WWOX: variants seen among roughly 807,000 people sequenced by gnomAD.
WWOX encodes the protein WW domain-containing oxidoreductase.
In WWOX, 69 loss-of-function variants were observed where a neutral mutation model predicts 46.2. The ratio of observed to expected loss-of-function variants is 1.49; its 90% CI spans 1.23 to 1.82. The LOEUF is 1.82. WWOX is among the 40% of genes most tolerant of loss of function. WWOX has a pLI of 0.00. For missense variants in WWOX, 919 were observed against 542.6 expected (o/e 1.69, Z -6.89); for synonymous variants, 359 against 202.6 (o/e 1.77, Z -6.56).
intron 8 of WWOX, among the ~76,000 whole-genome samples, chr16:79,155,067 G>T (rs1014194271): frequency 7.2e-5 from 11 of 152,196 alleles, no homozygotes; most frequent in Non-Finnish European, 1.6e-4. Flanking sequence ...TCTACAGCAG[G>T]CACTGGCAAG....
At chr16:78,594,204 A>C (rs1006746636) in intron 8 of WWOX, among the ~76,000 whole-genome samples, 4 of 152,074 alleles carry the variant, frequency 2.6e-5, no homozygotes, top group African/African-American at 9.6e-5. Flanking sequence ...TTTTAACCCC[A>C]TATACGAAGC....
At chr16:78,680,113 A>G (rs1395930440) in intron 8 of WWOX, among the ~76,000 whole-genome samples, 5 of 152,254 alleles carry the variant, frequency 3.3e-5, no homozygotes, top group African/African-American at 1.2e-4. Context: ...AAGTTTAAAT[A>G]AGAAAAGGTA....
At chr16:78,147,996 A>T (rs530410466) in intron 4 of WWOX, among the ~76,000 whole-genome samples, 2 of 151,942 alleles carry the variant, frequency 1.3e-5, no homozygotes, top group African/African-American at 4.8e-5. Flanking sequence ...GCTCTAAATC[A>T]TAAAGAACCC....
intron 5 of WWOX, among the ~76,000 whole-genome samples, chr16:78,259,702 C>T (rs895477170): frequency 1.3e-5 from 2 of 151,384 alleles, no homozygotes; most frequent in African/African-American, 4.9e-5. Flanking sequence ...TTCTAATATA[C>T]TGTGGATGGG....
At chr16:78,521,973 ATTTTGCAAGT>A (rs2043357652) in intron 8 of WWOX, among the ~76,000 whole-genome samples, 1 of 152,070 alleles carries the variant, frequency 6.6e-6, no homozygotes, top group South Asian at 2.1e-4. Context: ...CAGCAGGCCC[ATTTTGCAAGT>A]TTTCAGGAAA....
intron 8 of WWOX, among the ~76,000 whole-genome samples, chr16:78,600,800 C>G (rs1418885673): frequency 6.6e-6 from 1 of 152,118 alleles, no homozygotes; most frequent in Admixed American, 6.5e-5. Context: ...AGTGCTCAAC[C>G]CTTTGAATCG....
At chr16:78,646,922 G>A (rs1242575640) in intron 8 of WWOX, among the ~76,000 whole-genome samples, 1 of 152,152 alleles carries the variant, frequency 6.6e-6, no homozygotes, top group Non-Finnish European at 1.5e-5. Context: ...TAGCTGAAGC[G>A]AGGTGGGTTG....
At chr16:79,181,153 A>T (rs1008307027) in intron 8 of WWOX, among the ~76,000 whole-genome samples, 3 of 152,234 alleles carry the variant, frequency 2.0e-5, no homozygotes, top group Non-Finnish European at 2.9e-5. Context: ...AAACATGCAG[A>T]TTATACATGC....
chr16:79,211,787 G>T lies in WWOX; in HGVS notation c.1236G>T (p.Gln412His). The T allele has an allele frequency of 6.2e-7, 1 of 1,614,118 alleles. No homozygotes were observed. Among genetic ancestry groups the T allele is most frequent in the Non-Finnish European group, 8.5e-7 (1 of 1,179,980 alleles). ...TGATCCAAGAACGGCTTGGCAGCCA[G>T]TCCGGCTAAGTGGAGCTCAGAGCGG... Reference protein sequence around the residue: ...ERLIQERLGSQSG With the variant: ...ERLIQERLGSHSG Residue 412 changes from glutamine to histidine, a missense_variant, in exon 9 of 9, where the codon CAG becomes CAT. Transcript: ENST00000566780.
intron 8 of WWOX, among the ~76,000 whole-genome samples, chr16:78,914,400 G>C (rs993634085): frequency 1.3e-5 from 2 of 152,170 alleles, no homozygotes; most frequent in Admixed American, 6.5e-5. Flanking sequence ...GAGTGAATGA[G>C]GGAGTGAATG....
intron 8 of WWOX, among the ~76,000 whole-genome samples, chr16:78,887,486 C>CAA (rs1469997180): frequency 6.9e-6 from 1 of 144,132 alleles, no homozygotes; most frequent in African/African-American, 2.7e-5. Context: ...CACACACACA[C>CAA]ACACACACAC....
intron 5 of WWOX, among the ~76,000 whole-genome samples, chr16:78,316,447 A>T (rs909858816): frequency 6.6e-6 from 1 of 151,948 alleles, no homozygotes; most frequent in African/African-American, 2.4e-5. Flanking sequence ...GGTTCAAGCG[A>T]TTCTCCTGCC....
At chr16:78,654,637 TTCTCTCTC>T (rs142991695) in intron 8 of WWOX, among the ~76,000 whole-genome samples, 9 of 149,026 alleles carry the variant, frequency 6.0e-5, no homozygotes, top group African/African-American at 2.0e-4. Flanking sequence ...ATCTATACCT[TTCTCTCTC>T]TCTCTCTCTC....
rs577088626 is a variant in WWOX at position 78,476,696 on chromosome 16, G to T, written c.1056+43944G>T. 2.6e-5 allele frequency among the ~76,000 whole-genome samples: 4 copies of T among 152,158 alleles called. No homozygotes were observed. The South Asian group carries it at 8.3e-4, about 32-fold the overall frequency. ...CCCCCATGATCACAGAGGATGAAAAGTCTGCTTAAATTATAAGCTAGCTAA... is the reference window on the plus strand; with the variant it reads ...CCCCCATGATCACAGAGGATGAAAATTCTGCTTAAATTATAAGCTAGCTAA... On this transcript the variant is annotated intron_variant, in intron 8 of 8. Coordinates refer to ENST00000566780, the MANE Select transcript of WWOX (RefSeq NM_016373.4).
At chr16:79,097,501 C>G (rs2150620796) in intron 8 of WWOX, among the ~76,000 whole-genome samples, 1 of 152,276 alleles carries the variant, frequency 6.6e-6, no homozygotes, top group Middle Eastern at 3.4e-3. Flanking sequence ...TTCGCAGTGG[C>G]ACCGCAGCGC....
At chr16:79,078,962 AT>A (rs1280855833) in intron 8 of WWOX, among the ~76,000 whole-genome samples, 2 of 152,180 alleles carry the variant, frequency 1.3e-5, no homozygotes, top group Non-Finnish European at 2.9e-5. Flanking sequence ...CCCTGAAGTT[AT>A]TTTTCCCCCC....
At chr16:78,615,499 T>G (rs991532800) in intron 8 of WWOX, among the ~76,000 whole-genome samples, 1 of 151,810 alleles carries the variant, frequency 6.6e-6, no homozygotes, top group African/African-American at 2.4e-5. Context: ...AATTTAAAAA[T>G]TAACTGGGTG....
At chr16:78,726,740 AG>A (rs2048846126) in intron 8 of WWOX, among the ~76,000 whole-genome samples, 3 of 149,768 alleles carry the variant, frequency 2.0e-5, no homozygotes, top group Admixed American at 6.6e-5. Context: ...TTTTTTTGCC[AG>A]GGGATGCTGT....
At chr16:79,045,438 G>T (rs1005715816) in intron 8 of WWOX, among the ~76,000 whole-genome samples, 5 of 152,156 alleles carry the variant, frequency 3.3e-5, no homozygotes, top group African/African-American at 7.2e-5. Flanking sequence ...TGGGTGAGAG[G>T]ATACTCTCAG....
Sources: gnomAD v4.1 joint callset for allele counts (sites outside exome capture counted in the v4.1 genomes callset) on GRCh38, gnomAD v4.1.1 for gene constraint, MANE v1.5 for transcripts, NCBI Gene and HGNC (gene_info 2026-07-23, HGNC 2026-07-21) for gene names.